Variants in PRKN observed in about 807,000 individuals in gnomAD.
PRKN encodes the protein parkin RBR E3 ubiquitin protein ligase.
Under a neutral mutation model 59.5 loss-of-function variants are expected in PRKN, and 56 were observed. That is an observed-to-expected ratio of 0.94 (90% CI 0.76 to 1.18). PRKN has a LOEUF of 1.18. PRKN is among the 50% of genes most tolerant of loss of function. The pLI is 0.00. For missense variants in PRKN, 657 were observed against 596.4 expected (o/e 1.10, Z -1.06); for synonymous variants, 250 against 222.1 (o/e 1.13, Z -1.12).
At chr6:162,458,686 C>CT (rs902926366) in intron 1 of PRKN, among the ~76,000 whole-genome samples, 83 of 136,444 alleles carry the variant, frequency 6.1e-4, no homozygotes, top group African/African-American at 2.1e-3. Flanking sequence ...AACTTTATCT[C>CT]TTTTTTTTAA....
chr6:162,390,375 G>GTATATATATATATATATATATATATA (rs369827763), intron 2 of PRKN, among the ~76,000 whole-genome samples: 53 of 98,770 alleles, frequency 5.4e-4, no homozygotes, highest in Admixed American at 6.3e-4. Context: ...TACTGCTAAG[G>GTATATATATATATATATATATATATA]TATATATATA....
intron 8 of PRKN, among the ~76,000 whole-genome samples, chr6:161,564,440 C>A (rs765397988): frequency 1.3e-5 from 2 of 152,174 alleles, no homozygotes; most frequent in Non-Finnish European, 2.9e-5. Context: ...GCTTGGGGAA[C>A]TCATGGGCAA....
Position 162,028,509 on chromosome 6 carries a change from G to A in PRKN, c.618+25582C>T, listed in dbSNP as rs6912345. 3.9e-3 allele frequency among the ~76,000 whole-genome samples: 599 copies of A among 152,318 alleles called. 4 individuals carry two copies. Among genetic ancestry groups the A allele is most frequent in the African/African-American group, 0.013 (520 of 41,578 alleles). Reference sequence around the variant, plus strand: ...GCTGTGTGCTCCTGTGGAGGTGTGCGTGGAAACTTCCGGGCACGGAAATCT... The same window carrying A: ...GCTGTGTGCTCCTGTGGAGGTGTGCATGGAAACTTCCGGGCACGGAAATCT... On this transcript the variant is annotated intron_variant, in intron 5 of 11. Transcript: ENST00000366898.
Position 161,551,713 on chromosome 6 carries a change from T to C in PRKN, c.934-2710A>G, listed in dbSNP as rs73782925. Among the ~76,000 whole-genome samples, 483 of 152,142 alleles carry C rather than the reference T, an allele frequency of 3.2e-3. 2 individuals are homozygous for C. Among genetic ancestry groups the C allele is most frequent in the African/African-American group, 0.011 (459 of 41,510 alleles). On this transcript the variant is annotated intron_variant, in intron 8 of 11. Transcript: ENST00000366898. This position sits in a 1 kb window ranked among gnomAD's most constrained non-coding sequence, Gnocchi z 5.2. ...AGAATAGACACTTTTTTAAAGGAGTTTGCCAGTAAAAGGGAGCAGAGATCG... is the reference window on the plus strand; with the variant it reads ...AGAATAGACACTTTTTTAAAGGAGTCTGCCAGTAAAAGGGAGCAGAGATCG...
intron 4 of PRKN, among the ~76,000 whole-genome samples, chr6:162,141,702 T>A (rs562871175): frequency 6.6e-6 from 1 of 152,318 alleles, no homozygotes; most frequent in South Asian, 2.1e-4. Flanking sequence ...AATACTGCTA[T>A]ATAGTATACT....
At chr6:162,120,124 C>T (rs920572318) in intron 4 of PRKN, among the ~76,000 whole-genome samples, 7 of 152,068 alleles carry the variant, frequency 4.6e-5, no homozygotes, top group Non-Finnish European at 1.0e-4. Flanking sequence ...CTCCAGTGAT[C>T]CTCCCACATC....
At chr6:162,629,678 A>C (rs970940659) in intron 1 of PRKN, among the ~76,000 whole-genome samples, 25 of 152,162 alleles carry the variant, frequency 1.6e-4, no homozygotes, top group African/African-American at 5.5e-4. Context: ...GTCAGGCATT[A>C]AAATGTTGTA....
chr6:161,826,046 G>C (rs896422877), intron 6 of PRKN, among the ~76,000 whole-genome samples: 6 of 152,090 alleles, frequency 3.9e-5, no homozygotes, highest in African/African-American at 1.4e-4. Context: ...CTTGCCCCAA[G>C]CTCTGCTCTC....
intron 3 of PRKN, 42 bp from the exon 4 acceptor site, chr6:162,201,294 T>C (rs761922540): frequency 8.1e-6 from 13 of 1,606,312 alleles, no homozygotes; most frequent in South Asian, 7.7e-5. Flanking sequence ...TAATGCTGCA[T>C]CTAAATTGAG....
At chr6:162,667,501 T>A (rs1028368333) in intron 1 of PRKN, among the ~76,000 whole-genome samples, 5 of 152,094 alleles carry the variant, frequency 3.3e-5, no homozygotes, top group African/African-American at 1.2e-4. Context: ...AAAATTTAAG[T>A]CATATAAAGT....
intron 1 of PRKN, among the ~76,000 whole-genome samples, chr6:162,627,803 C>T (rs1218221319): frequency 6.6e-6 from 1 of 152,118 alleles, no homozygotes; most frequent in Non-Finnish European, 1.5e-5. Context: ...GATCAGTGGG[C>T]AGTTTTGAAT....
intron 5 of PRKN, among the ~76,000 whole-genome samples, chr6:162,017,322 C>A (rs921486722): frequency 6.6e-6 from 1 of 152,074 alleles, no homozygotes; most frequent in Non-Finnish European, 1.5e-5. Context: ...AGTTTACATG[C>A]ATGTACATGT....
intron 4 of PRKN, among the ~76,000 whole-genome samples, chr6:162,131,529 C>G (rs1447857594): frequency 6.6e-6 from 1 of 152,130 alleles, no homozygotes; most frequent in Non-Finnish European, 1.5e-5. Flanking sequence ...ATTAATGAAG[C>G]TATTTGGATA....
chr6:161,897,727 A>T (rs1423252614), intron 6 of PRKN, among the ~76,000 whole-genome samples: 1 of 151,996 alleles, frequency 6.6e-6, no homozygotes, highest in African/African-American at 2.4e-5. Context: ...CACGCCTGTA[A>T]TCCCAGCACT....
At chr6:162,153,077 C>G (rs1330884818) in intron 4 of PRKN, among the ~76,000 whole-genome samples, 1 of 152,198 alleles carries the variant, frequency 6.6e-6, no homozygotes, top group Non-Finnish European at 1.5e-5. Flanking sequence ...AATATGATCA[C>G]AAGTGTTCAA....
chr6:162,487,294 T>C (rs971584782), intron 1 of PRKN, among the ~76,000 whole-genome samples: 6 of 152,232 alleles, frequency 3.9e-5, no homozygotes, highest in Non-Finnish European at 7.4e-5. Context: ...TGCGTTTTCA[T>C]TCTCTAACGG....
intron 1 of PRKN, among the ~76,000 whole-genome samples, chr6:162,654,014 T>A: frequency 6.6e-6 from 1 of 152,346 alleles, no homozygotes; most frequent in East Asian, 1.9e-4. Flanking sequence ...CTTTAGGTAC[T>A]TCACATAAAG....
intron 7 of PRKN, among the ~76,000 whole-genome samples, chr6:161,736,612 G>C (rs1056303979): frequency 1.3e-5 from 2 of 152,184 alleles, no homozygotes; most frequent in Non-Finnish European, 2.9e-5. Context: ...ATTGTTGGAA[G>C]GAAGAAGCCT....
intron 1 of PRKN, among the ~76,000 whole-genome samples, chr6:162,493,349 G>A (rs1792907589): frequency 6.6e-6 from 1 of 152,172 alleles, no homozygotes; most frequent in Admixed American, 6.5e-5. Flanking sequence ...GAGGCAAAGA[G>A]GGATATTATG....
Sources: gnomAD v4.1 joint callset for allele counts (sites outside exome capture counted in the v4.1 genomes callset) on GRCh38, gnomAD v4.1.1 for gene constraint, Gnocchi (gnomAD v3.1) non-coding constraint, MANE v1.5 for transcripts, NCBI Gene and HGNC (gene_info 2026-07-23, HGNC 2026-07-21) for gene names.